GRIK5: variants seen among roughly 807,000 people sequenced by gnomAD.
GRIK5 encodes the protein glutamate ionotropic receptor kainate type subunit 5.
GRIK5 carries 43 observed loss-of-function variants against 97.4 expected under a neutral mutation model. That is an observed-to-expected ratio of 0.44 (90% CI 0.35 to 0.57). GRIK5 has a LOEUF of 0.57. GRIK5 is among the 20% of genes least tolerant of loss of function. GRIK5 has a pLI of 0.01. For synonymous variants in GRIK5, 580 were observed against 583.5 expected, an observed-to-expected ratio of 0.99 and a Z score of 0.09; for missense variants, 1,015 against 1,382.0, an observed-to-expected ratio of 0.73 and a Z score of 4.21.
intron 11 of GRIK5, chr19:42,043,007 A>T: frequency 1.8e-6 from 1 of 551,510 alleles, no homozygotes; most frequent in Non-Finnish European, 3.2e-6. Context: ...AGCCAACCTG[A>T]TGCTCATTGG....
rs1216155898 is a variant in GRIK5, at chr19:42,021,003, T to C, written c.1871+298A>G. 6.6e-6 allele frequency among the ~76,000 whole-genome samples: 1 copy of C among 152,128 alleles called. No individual in the cohort carries two copies. On this transcript the variant is annotated intron_variant, in intron 15 of 19. Coordinates refer to ENST00000593562, the MANE Select transcript of GRIK5 (RefSeq NM_002088.5). The surrounding 1 kb of genome is among the most constrained non-coding windows in gnomAD (Gnocchi z 4.2). ...TGAGTTCAAGCAATTGGAGTAGCCATTCTTTTATTCCTTAGCAGCCTCACT... is the reference window on the plus strand; with the variant it reads ...TGAGTTCAAGCAATTGGAGTAGCCACTCTTTTATTCCTTAGCAGCCTCACT...
chr19:42,017,896 AT>A (rs983453393), intron 15 of GRIK5, among the ~76,000 whole-genome samples: 19 of 152,210 alleles, frequency 1.2e-4, no homozygotes, highest in African/African-American at 4.6e-4. Flanking sequence ...CCACCTGGAG[AT>A]GGACGAGTGA....
At position 42,022,066 on chromosome 19, in the gene GRIK5, G is replaced by C. The variant is rs760301279; in HGVS notation, c.1588-10C>G. The C allele has an allele frequency of 3.8e-6, 6 of 1,587,924 alleles. No individual in the cohort carries two copies. The highest frequency in any genetic ancestry group is 5.2e-6 in the Non-Finnish European group (6 of 1,158,512). On this transcript the variant is annotated splice_polypyrimidine_tract_variant and intron_variant, in intron 13 of 19. Transcript: ENST00000593562. The surrounding 1 kb of genome is among the most constrained non-coding windows in gnomAD (Gnocchi z 4.2). ...AGCCAGGCTTGCGGCCCTGTGGGGA[G>C]AGGGAGTGAGACCCGGAGACACCCC... is the stretch of plus-strand genomic sequence containing the variant.
At chr19:42,029,480 C>T (rs1034404377) in intron 12 of GRIK5, among the ~76,000 whole-genome samples, 3 of 151,958 alleles carry the variant, frequency 2.0e-5, no homozygotes, top group Admixed American at 6.6e-5. Flanking sequence ...TGGTGGCAGG[C>T]GCCTGTGTAA....
chr19:42,045,404 T>C (rs1044240305), intron 11 of GRIK5, among the ~76,000 whole-genome samples: 2 of 152,250 alleles, frequency 1.3e-5, no homozygotes, highest in Non-Finnish European at 1.5e-5. Context: ...ACAGCCATTC[T>C]GCACTTTCCA....
In GRIK5 at chr19:42,065,114, G is replaced by T. The variant is rs755435637; in HGVS notation, c.244+109C>A. On this transcript the variant is annotated intron_variant, in intron 3 of 19. Coordinates refer to ENST00000593562, the MANE Select transcript of GRIK5 (RefSeq NM_002088.5). The surrounding 1 kb of genome is among the most constrained non-coding windows in gnomAD (Gnocchi z 5.8). ...CAGAGACAAACACAAAGAAGGGGGA[G>T]GATGGAGCTAGAAGAGGACAAGGCC... The T allele has an allele frequency of 7.7e-6, 7 of 909,318 alleles. No individual in the cohort carries two copies. The highest frequency in any genetic ancestry group is 1.2e-5 in the Non-Finnish European group (7 of 600,672). The allele number at this position is 909,318 out of a possible 1,614,324, so 56.3% of individuals were successfully genotyped here. A position where few individuals can be genotyped will look rare whatever the true frequency, so the allele number is the denominator to read the frequency against.
Position 41,999,349 on chromosome 19 carries a change from TC to T in GRIK5, c.2515-51del. 1 of 1,372,520 alleles carries T rather than the reference TC, an allele frequency of 7.3e-7. No individual in the cohort carries two copies. Among genetic ancestry groups the T allele is most frequent in the Non-Finnish European group, 9.7e-7 (1 of 1,033,906 alleles). The allele number at this position is 1,372,520 out of a possible 1,614,324, so 85.0% of individuals were successfully genotyped here. A position where few individuals can be genotyped will look rare whatever the true frequency, so the allele number is the denominator to read the frequency against. ...GTCCCGGCGCAGTCCGCCTCCCGCC[TC>T]CCCCAGCCCCTCTCCACATCCCACT... is the stretch of plus-strand genomic sequence containing the variant. On this transcript the variant is annotated intron_variant, in intron 19 of 19. Coordinates refer to ENST00000593562, the MANE Select transcript of GRIK5 (RefSeq NM_002088.5). The surrounding 1 kb of genome is among the most constrained non-coding windows in gnomAD (Gnocchi z 5.0).
chr19:42,001,518 C>T (rs1351037478), intron 19 of GRIK5, among the ~76,000 whole-genome samples: 1 of 152,174 alleles, frequency 6.6e-6, no homozygotes, highest in African/African-American at 2.4e-5. Context: ...CGTGAGCCAC[C>T]ACACCTGGGC....
intron 6 of GRIK5, among the ~76,000 whole-genome samples, chr19:42,059,137 A>T (rs2076225837): frequency 6.6e-6 from 1 of 152,104 alleles, no homozygotes. Flanking sequence ...CCGAGCAGGG[A>T]CTATTCACAG....
chr19:42,060,196 G>A (rs560936547), intron 5 of GRIK5, among the ~76,000 whole-genome samples: 4 of 151,886 alleles, frequency 2.6e-5, no homozygotes, highest in African/African-American at 4.8e-5. Context: ...CCCAGACTGC[G>A]GGAATTCAAG....
chr19:42,066,944 G>A (rs2076342177), intron 1 of GRIK5, among the ~76,000 whole-genome samples: 1 of 152,168 alleles, frequency 6.6e-6, no homozygotes, highest in Non-Finnish European at 1.5e-5. Flanking sequence ...CCCTACTGGG[G>A]AGAAGAAGTA....
In GRIK5 at chr19:42,002,355, G is replaced by A. The variant is rs1460315700; in HGVS notation, c.2514+977C>T. ...AATGACAGCATATTTGTACGTTGGT[G>A]GCCTGAATCCAATAAAGAGAGGACA... is the stretch of plus-strand genomic sequence containing the variant. On this transcript the variant is annotated intron_variant, in intron 19 of 19. Transcript: ENST00000593562. The surrounding 1 kb of genome is among the most constrained non-coding windows in gnomAD (Gnocchi z 5.2). 4.2e-6 allele frequency: 3 copies of A among 717,642 alleles called. No homozygotes were observed. 44.5% of individuals were successfully genotyped at this position (717,642 alleles called of 1,614,324 possible).
chr19:42,051,791 C>G (rs2076120063), intron 11 of GRIK5, among the ~76,000 whole-genome samples: 1 of 152,162 alleles, frequency 6.6e-6, no homozygotes, highest in Non-Finnish European at 1.5e-5. Flanking sequence ...GCTGTTGCCT[C>G]CCTGTTCAAC....
At chr19:42,038,278 G>GA (rs1178450384) in intron 12 of GRIK5, among the ~76,000 whole-genome samples, 1 of 152,098 alleles carries the variant, frequency 6.6e-6, no homozygotes, top group African/African-American at 2.4e-5. Context: ...CCACTGGGTG[G>GA]AAAAAATGGG....
Position 42,042,988 on chromosome 19 carries a change from A to G in GRIK5, c.1270-233T>C, listed in dbSNP as rs2075998083. On this transcript the variant is annotated intron_variant, in intron 11 of 19. Coordinates refer to ENST00000593562, the MANE Select transcript of GRIK5 (RefSeq NM_002088.5). The surrounding 1 kb of genome is among the most constrained non-coding windows in gnomAD (Gnocchi z 6.9). ...TAGCAGATTGCAGGGAGCCATTTTA[A>G]TCTTCAGCAGCCAACCTGATGCTCA... is the stretch of plus-strand genomic sequence containing the variant. 1 of 567,426 alleles carries G rather than the reference A, an allele frequency of 1.8e-6. No homozygotes were observed. The highest frequency in any genetic ancestry group is 1.9e-5 in the African/African-American group (1 of 53,294). The allele number at this position is 567,426 out of a possible 1,614,324, so 35.1% of individuals were successfully genotyped here.
At chr19:42,045,692 T>C (rs1398970658) in intron 11 of GRIK5, among the ~76,000 whole-genome samples, 1 of 152,150 alleles carries the variant, frequency 6.6e-6, no homozygotes, top group African/African-American at 2.4e-5. Context: ...AGAACCAAAA[T>C]TGTGGAACGG....
intron 15 of GRIK5, among the ~76,000 whole-genome samples, chr19:42,013,443 T>C: frequency 6.9e-6 from 1 of 144,670 alleles, no homozygotes; most frequent in South Asian, 2.3e-4. Context: ...GGAGTCTTGC[T>C]CTGTCGCCCA....
chr19:41,999,729 AACAG>A lies in GRIK5; in HGVS notation c.2515-434_2515-431del, dbSNP rs1184872766. 5.3e-5 allele frequency among the ~76,000 whole-genome samples: 8 copies of A among 152,232 alleles called. No homozygotes were observed. Among genetic ancestry groups the A allele is most frequent in the South Asian group, 2.1e-4 (1 of 4,828 alleles). On this transcript the variant is annotated intron_variant, in intron 19 of 19. Coordinates refer to ENST00000593562, the MANE Select transcript of GRIK5 (RefSeq NM_002088.5). The surrounding 1 kb of genome is among the most constrained non-coding windows in gnomAD (Gnocchi z 5.0). ...GCACTGGGGATATGGCAGAGAAGGAAACAGACAGAAGTCCCAGCCCTCGTGGAGG... is the reference window on the plus strand; with the variant it reads ...GCACTGGGGATATGGCAGAGAAGGAAACAGAAGTCCCAGCCCTCGTGGAGG...
Position 42,005,711 on chromosome 19 carries a change from G to A in GRIK5, c.2263+12C>T, listed in dbSNP as rs1555872336. ...ACGGCCCTGCTGTGTTCCACACCGT[G>A]CTGTGCCGTACCCAGCGGCATGCCA... On this transcript the variant is annotated intron_variant, in intron 17 of 19. Coordinates refer to ENST00000593562, the MANE Select transcript of GRIK5 (RefSeq NM_002088.5). 1 of 1,584,666 alleles carries A rather than the reference G, an allele frequency of 6.3e-7. No homozygotes were observed. Among genetic ancestry groups the A allele is most frequent in the Non-Finnish European group, 8.7e-7 (1 of 1,153,910 alleles).
Sources: allele counts gnomAD v4.1 joint callset (sites outside exome capture counted in the v4.1 genomes callset), GRCh38; gene constraint gnomAD v4.1.1; non-coding constraint Gnocchi (gnomAD v3.1); transcripts MANE v1.5; gene names NCBI Gene and HGNC (gene_info 2026-07-23, HGNC 2026-07-21).